ADGB: variants seen among roughly 807,000 people sequenced by gnomAD.
The protein encoded by ADGB is calpain-7-like protein.
In ADGB, 172 loss-of-function variants were observed where a neutral mutation model predicts 210.5. The observed-to-expected ratio is 0.82, with a 90% CI of 0.72 to 0.93. The LOEUF is 0.93. Ranked by LOEUF, ADGB falls within the 40% of genes least tolerant of loss-of-function variation. The pLI, the probability that ADGB is intolerant of heterozygous loss-of-function variation, is 0.00. For synonymous variants in ADGB, 658 were observed against 662.7 expected, an observed-to-expected ratio of 0.99 and a Z score of 0.11; for missense variants, 2,025 against 1,964.8, an observed-to-expected ratio of 1.03 and a Z score of -0.58.
chr6:146,803,134 C>A, intron 35 of ADGB: 1 of 1,481,946 alleles, frequency 6.7e-7, no homozygotes, highest in South Asian at 1.1e-5. Flanking sequence ...TCTACCACAA[C>A]GCCAAGATCT....
chr6:146,707,589 CTTAT>C (rs1306573316), intron 13 of ADGB, among the ~76,000 whole-genome samples: 3 of 151,882 alleles, frequency 2.0e-5, no homozygotes, highest in African/African-American at 4.8e-5. Context: ...ATGAAATAAC[CTTAT>C]TTGTCTCTTT....
intron 33 of ADGB, among the ~76,000 whole-genome samples, chr6:146,797,524 T>C (rs1778063701): frequency 1.3e-5 from 2 of 151,860 alleles, no homozygotes; most frequent in Admixed American, 6.6e-5. Context: ...TATACATATA[T>C]ACACACACAC....
At position 146,663,122 on chromosome 6, in the gene ADGB, A is replaced by AATATATAATTAT. The variant is rs1271134336; in HGVS notation, c.613-1065_613-1054dup. On this transcript the variant is annotated intron_variant, in intron 5 of 35. Coordinates refer to ENST00000397944, the MANE Select transcript of ADGB (RefSeq NM_024694.4). ...ATGTAATTATAGTATAAATATAATA[A>AATATATAATTAT]ATATATAATTATATATATAATTATA... is the stretch of plus-strand genomic sequence containing the variant. Among the ~76,000 whole-genome samples the AATATATAATTAT allele has an allele frequency of 2.1e-5, 3 of 141,082 alleles. No individual in the cohort carries two copies. In the South Asian group the frequency reaches 6.4e-4, roughly 30 times the overall value. The allele number at this position is 141,082 out of a possible 152,430, so 92.6% of individuals were successfully genotyped here.
rs138134775 is a variant in ADGB, at chr6:146,762,812, C to T, written c.3551-1089C>T. 4.6e-5 allele frequency among the ~76,000 whole-genome samples: 7 copies of T among 152,168 alleles called. No individual in the cohort carries two copies. In the East Asian group the frequency reaches 1.4e-3, roughly 29 times the overall value. The stretch of plus-strand genomic sequence containing the variant: ...AATGCTCTGCATATTCACTGAATTC[C>T]CTTCATTTTGACAAGTCAGAATTTC... On this transcript the variant is annotated intron_variant, in intron 27 of 35. Coordinates refer to ENST00000397944, the MANE Select transcript of ADGB (RefSeq NM_024694.4).
chr6:146,754,136 G>A (rs1777365787), intron 27 of ADGB, among the ~76,000 whole-genome samples: 1 of 151,282 alleles, frequency 6.6e-6, no homozygotes, highest in African/African-American at 2.4e-5. Flanking sequence ...TATTTTTAGT[G>A]AAAAGTACAG....
At chr6:146,669,817 T>A (rs1247753377) in intron 7 of ADGB, among the ~76,000 whole-genome samples, 2 of 152,132 alleles carry the variant, frequency 1.3e-5, no homozygotes, top group Non-Finnish European at 2.9e-5. Context: ...TACAACTGCC[T>A]AAGTTACGTA....
chr6:146,766,706 G>A (rs541518950), intron 28 of ADGB, among the ~76,000 whole-genome samples: 15 of 151,792 alleles, frequency 9.9e-5, no homozygotes, highest in Non-Finnish European at 1.5e-4. Context: ...AATTTCTTAC[G>A]GAAAACAAAC....
At chr6:146,652,708 C>T (rs562554548) in intron 3 of ADGB, among the ~76,000 whole-genome samples, 2 of 151,958 alleles carry the variant, frequency 1.3e-5, no homozygotes, top group African/African-American at 4.8e-5. Flanking sequence ...TTAACTTGAA[C>T]AAGATTTTAA....
At chr6:146,730,890 G>C (rs535835829) in intron 20 of ADGB, among the ~76,000 whole-genome samples, 1 of 152,260 alleles carries the variant, frequency 6.6e-6, no homozygotes, top group South Asian at 2.1e-4. Context: ...AGTAAGCTGA[G>C]ATCACGCCAT....
At chr6:146,740,117 G>T (rs1162669930) in intron 23 of ADGB, among the ~76,000 whole-genome samples, 2 of 152,100 alleles carry the variant, frequency 1.3e-5, no homozygotes, top group Non-Finnish European at 2.9e-5. Flanking sequence ...TTTTGTTGCT[G>T]GTTTGCTTGC....
At chr6:146,784,496 A>AAT in intron 30 of ADGB, 122 bp from the exon 31 acceptor site, 1 of 821,724 alleles carries the variant, frequency 1.2e-6, no homozygotes, top group Non-Finnish European at 1.8e-6. Context: ...GTCTTTTGTG[A>AAT]ATATATGTTT....
chr6:146,813,535 T>C (rs1451986209), intron 35 of ADGB, among the ~76,000 whole-genome samples: 1 of 152,222 alleles, frequency 6.6e-6, no homozygotes, highest in South Asian at 2.1e-4. Flanking sequence ...CTTTCATTTT[T>C]GATTGTTCTC....
At chr6:146,728,364 T>C (rs1776928127) in intron 19 of ADGB, among the ~76,000 whole-genome samples, 1 of 152,138 alleles carries the variant, frequency 6.6e-6, no homozygotes, top group South Asian at 2.1e-4. Context: ...AGATGAATAT[T>C]CCTCCTACAG....
intron 33 of ADGB, among the ~76,000 whole-genome samples, chr6:146,792,424 A>G (rs1777967216): frequency 6.6e-6 from 1 of 152,162 alleles, no homozygotes; most frequent in Non-Finnish European, 1.5e-5. Context: ...GGCTGCACCA[A>G]CCTACACCCA....
chr6:146,625,994 C>T (rs551143675), intron 1 of ADGB, among the ~76,000 whole-genome samples: 1 of 151,698 alleles, frequency 6.6e-6, no homozygotes, highest in East Asian at 1.9e-4. Context: ...GTGTTCTTAT[C>T]GTTTTATTCC....
chr6:146,789,208 T>C (rs1342392230), intron 33 of ADGB, among the ~76,000 whole-genome samples: 2 of 152,186 alleles, frequency 1.3e-5, no homozygotes, highest in African/African-American at 4.8e-5. Context: ...AAATGTCCTA[T>C]TAATGCATTT....
intron 3 of ADGB, among the ~76,000 whole-genome samples, chr6:146,647,020 T>C (rs1234347413): frequency 1.4e-5 from 2 of 146,208 alleles, no homozygotes; most frequent in African/African-American, 5.1e-5. Context: ...ACCTGGGAGG[T>C]AGAATTTTCA....
intron 13 of ADGB, among the ~76,000 whole-genome samples, chr6:146,706,236 T>C (rs1467184474): frequency 6.6e-6 from 1 of 151,636 alleles, no homozygotes; most frequent in Non-Finnish European, 1.5e-5. Context: ...GGGACAGTTT[T>C]TTGTTTTTTT....
chr6:146,800,017 T>C (rs1156742302), intron 33 of ADGB, among the ~76,000 whole-genome samples: 1 of 152,130 alleles, frequency 6.6e-6, no homozygotes, highest in African/African-American at 2.4e-5. Flanking sequence ...ACCATCTTGG[T>C]CGGGCTGGTC....
Sources: gnomAD v4.1 joint callset for allele counts (sites outside exome capture counted in the v4.1 genomes callset) on GRCh38, gnomAD v4.1.1 for gene constraint, MANE v1.5 for transcripts, NCBI Gene and HGNC (gene_info 2026-07-23, HGNC 2026-07-21) for gene names.